PALM2AKAP2: variants seen among roughly 807,000 people sequenced by gnomAD.
PALM2AKAP2 encodes the protein PALM2 and AKAP2 fusion.
A neutral mutation model predicts 71.5 loss-of-function variants in PALM2AKAP2; 37 were observed. That is an observed-to-expected ratio of 0.52 (90% CI 0.40 to 0.68). PALM2AKAP2 has a LOEUF of 0.68. Ranked by LOEUF, PALM2AKAP2 falls within the 30% of genes least tolerant of loss-of-function variation. The pLI, the probability that PALM2AKAP2 is intolerant of heterozygous loss-of-function variation, is 0.00. For missense variants in PALM2AKAP2, 1,224 were observed against 1,191.8 expected (o/e 1.03, Z -0.40); for synonymous variants, 468 against 478.8 (o/e 0.98, Z 0.29).
intron 1 of PALM2AKAP2, among the ~76,000 whole-genome samples, chr9:110,080,060 A>C (rs1307600883): frequency 2.8e-5 from 3 of 107,902 alleles, no homozygotes; most frequent in East Asian, 2.7e-4. Flanking sequence ...ACAGAGCGAG[A>C]CTCTGTCTCA....
chr9:109,881,035 C>G (rs1337062901), intron 3 of PALM2AKAP2, among the ~76,000 whole-genome samples: 1 of 152,180 alleles, frequency 6.6e-6, no homozygotes, highest in Admixed American at 6.5e-5. Context: ...TCTCCCTCCT[C>G]CCTCCCTTCA....
chr9:110,139,842 G>T (rs967908956), intron 2 of PALM2AKAP2, among the ~76,000 whole-genome samples: 3 of 152,134 alleles, frequency 2.0e-5, no homozygotes, highest in Non-Finnish European at 4.4e-5. Context: ...CCTAATGTGG[G>T]TCTCTGATGT....
intron 2 of PALM2AKAP2, among the ~76,000 whole-genome samples, chr9:109,870,637 G>A (rs1181247174): frequency 6.6e-6 from 1 of 152,182 alleles, no homozygotes; most frequent in African/African-American, 2.4e-5. Context: ...TATAAATGAG[G>A]GAGCCTGAGA....
At position 109,737,605 on chromosome 9, in the gene PALM2AKAP2, G is replaced by A. The variant is rs184091748; in HGVS notation, c.6-42883G>A. Among the ~76,000 whole-genome samples, 36 of 152,296 alleles carry A rather than the reference G, an allele frequency of 2.4e-4. No homozygotes were observed. The East Asian group carries it at 6.6e-3, about 28-fold the overall frequency. On this transcript the variant is annotated intron_variant, in intron 1 of 6. Transcript: ENST00000374531. ...AAAGGTTGAAGGAAAACAGGACAAG[G>A]GCTGGAACTAGGGCTTTGCTAATTT...
At chr9:109,698,272 A>AT (rs774359983) in intron 1 of PALM2AKAP2, among the ~76,000 whole-genome samples, 4,356 of 118,540 alleles carry the variant, frequency 0.037, 195 homozygotes, top group African/African-American at 0.058. Flanking sequence ...TGTGTGCTAC[A>AT]TTTTTTTTTT....
At chr9:110,058,243 A>G (rs1833888441) in intron 1 of PALM2AKAP2, among the ~76,000 whole-genome samples, 1 of 152,204 alleles carries the variant, frequency 6.6e-6, no homozygotes, top group Non-Finnish European at 1.5e-5. Flanking sequence ...TGCAAATGGG[A>G]ATATTTTTAT....
chr9:109,773,614 G>A (rs1037786323), intron 1 of PALM2AKAP2, among the ~76,000 whole-genome samples: 15 of 152,158 alleles, frequency 9.9e-5, no homozygotes, highest in African/African-American at 2.7e-4. Context: ...AGCTATCCCT[G>A]TTCCCAGTTT....
At chr9:109,790,156 C>T (rs1395927011) in intron 1 of PALM2AKAP2, among the ~76,000 whole-genome samples, 2 of 152,284 alleles carry the variant, frequency 1.3e-5, no homozygotes, top group East Asian at 1.9e-4. Context: ...GGCCAGACGT[C>T]GGAACACATC....
In PALM2AKAP2 at chr9:109,762,500, C is replaced by T. The variant is rs193276915; in HGVS notation, c.6-17988C>T. 2.0e-3 allele frequency among the ~76,000 whole-genome samples: 310 copies of T among 152,096 alleles called. 2 individuals carry two copies. The highest frequency in any genetic ancestry group is 7.2e-3 in the African/African-American group (297 of 41,478). ...GATATTCACCTTTAAATTAATTGATCGATTATCCTCACTGAATTGCCACCC... is the reference window on the plus strand; with the variant it reads ...GATATTCACCTTTAAATTAATTGATTGATTATCCTCACTGAATTGCCACCC... On this transcript the variant is annotated intron_variant, in intron 1 of 6. Transcript: ENST00000374531.
chr9:110,057,210 G>A (rs959364144), intron 1 of PALM2AKAP2, among the ~76,000 whole-genome samples: 2 of 152,022 alleles, frequency 1.3e-5, no homozygotes, highest in Non-Finnish European at 2.9e-5. Flanking sequence ...ATAGCTTACT[G>A]CAACCTTGAA....
chr9:109,778,193 CA>C (rs988656100), upstream of PALM2AKAP2, among the ~76,000 whole-genome samples: 1 of 152,174 alleles, frequency 6.6e-6, no homozygotes, highest in African/African-American at 2.4e-5. Context: ...ATTTCTGGTT[CA>C]ATTGTTTATT....
intron 1 of PALM2AKAP2, among the ~76,000 whole-genome samples, chr9:109,709,699 A>T (rs1293522324): frequency 6.6e-6 from 1 of 152,214 alleles, no homozygotes; most frequent in African/African-American, 2.4e-5. Context: ...TCAGAAGCCC[A>T]GACTGATGGA....
At chr9:109,690,185 T>C (rs1417994046) in intron 1 of PALM2AKAP2, among the ~76,000 whole-genome samples, 2 of 152,272 alleles carry the variant, frequency 1.3e-5, no homozygotes, top group African/African-American at 4.8e-5. Context: ...CTTGCCTTGG[T>C]TTATATACAA....
intron 1 of PALM2AKAP2, among the ~76,000 whole-genome samples, chr9:109,642,942 T>C (rs1230468334): frequency 6.6e-6 from 1 of 151,344 alleles, no homozygotes; most frequent in African/African-American, 2.4e-5. Flanking sequence ...GAAGTCTTGA[T>C]GAGCCCAGGA....
intron 2 of PALM2AKAP2, among the ~76,000 whole-genome samples, chr9:110,145,023 G>T (rs988255897): frequency 6.6e-6 from 1 of 152,110 alleles, no homozygotes; most frequent in African/African-American, 2.4e-5. Context: ...GAGGTATACA[G>T]TAATAGCTTC....
intron 2 of PALM2AKAP2, among the ~76,000 whole-genome samples, chr9:109,870,275 G>A (rs1829570380): frequency 1.3e-5 from 2 of 152,166 alleles, no homozygotes; most frequent in South Asian, 4.1e-4. Context: ...TAGGCACTAG[G>A]AAGGAATATG....
At position 109,869,903 on chromosome 9, in the gene PALM2AKAP2, A is replaced by T. The variant is rs141692922; in HGVS notation, c.126+2332A>T. The stretch of plus-strand genomic sequence containing the variant: ...GGTGAGGTGGGGAGGACTGGAGGTG[A>T]TGGTAACTTACTAAGTGGAGGTGAG... On this transcript the variant is annotated intron_variant, in intron 2 of 9. Transcript: ENST00000302798. Among the ~76,000 whole-genome samples the T allele has an allele frequency of 2.7e-3, 410 of 152,224 alleles. 3 individuals carry two copies. The highest frequency in any genetic ancestry group is 9.5e-3 in the African/African-American group (396 of 41,540).
At chr9:109,932,058 A>T (rs1270589217) in intron 6 of PALM2AKAP2, 30 bp downstream of exon 6, 1 of 1,599,546 alleles carries the variant, frequency 6.3e-7, no homozygotes, top group Non-Finnish European at 8.5e-7. Context: ...GGACGCTAGG[A>T]TGGTCCAAGG....
chr9:109,928,377 C>A (rs1831004045), intron 5 of PALM2AKAP2, among the ~76,000 whole-genome samples: 1 of 152,192 alleles, frequency 6.6e-6, no homozygotes, highest in South Asian at 2.1e-4. Context: ...TAAGAAGCAG[C>A]ACTCATCTTT....
Sources: gnomAD v4.1 joint callset for allele counts (sites outside exome capture counted in the v4.1 genomes callset) on GRCh38, gnomAD v4.1.1 for gene constraint, MANE v1.5 for transcripts, NCBI Gene and HGNC (gene_info 2026-07-23, HGNC 2026-07-21) for gene names.